The following CNTNAP5 variants were observed in gnomAD, a reference collection of about 807,000 sequenced individuals.
CNTNAP5 encodes the protein contactin-associated protein-like 5.
In CNTNAP5, 72 loss-of-function variants were observed where a neutral mutation model predicts 150.2. The ratio of observed to expected loss-of-function variants is 0.48; its 90% CI spans 0.40 to 0.58. CNTNAP5 has a LOEUF of 0.58. Ranked by LOEUF, CNTNAP5 falls within the 20% of genes least tolerant of loss-of-function variation. CNTNAP5 has a pLI of 0.00. For synonymous variants in CNTNAP5, 672 were observed against 619.8 expected (o/e 1.08, Z -1.25); for missense variants, 1,636 against 1,626.2 (o/e 1.01, Z -0.10).
At chr2:124,638,939 A>AT (rs1678029591) in intron 12 of CNTNAP5, among the ~76,000 whole-genome samples, 1 of 152,046 alleles carries the variant, frequency 6.6e-6, no homozygotes, top group Admixed American at 6.5e-5. Flanking sequence ...TGTGTATTTA[A>AT]TTTTTTTCCA....
chr2:124,510,963 T>A (rs1694574115), intron 8 of CNTNAP5, among the ~76,000 whole-genome samples: 1 of 152,172 alleles, frequency 6.6e-6, no homozygotes, highest in African/African-American at 2.4e-5. Flanking sequence ...TTACTTTTCA[T>A]AAGGTACCAA....
chr2:124,786,248 A>G (rs1363113417), intron 17 of CNTNAP5, among the ~76,000 whole-genome samples: 1 of 150,826 alleles, frequency 6.6e-6, no homozygotes, highest in East Asian at 2.0e-4. Context: ...GGATGATAGA[A>G]TATGACTCTG....
At chr2:124,140,032 G>A (rs1573784380) in intron 1 of CNTNAP5, among the ~76,000 whole-genome samples, 1 of 152,080 alleles carries the variant, frequency 6.6e-6, no homozygotes, top group Admixed American at 6.5e-5. Flanking sequence ...GGTGACAGAC[G>A]CACCTGGAAA....
chr2:124,363,228 T>C (rs1690267018), intron 3 of CNTNAP5, among the ~76,000 whole-genome samples: 1 of 152,226 alleles, frequency 6.6e-6, no homozygotes, highest in South Asian at 2.1e-4. Context: ...GGACACTTCA[T>C]TGTTTGGATT....
At chr2:124,580,698 C>T (rs1696390696) in intron 11 of CNTNAP5, among the ~76,000 whole-genome samples, 6 of 152,204 alleles carry the variant, frequency 3.9e-5, no homozygotes, top group Admixed American at 3.9e-4. Context: ...GTCTCTCTCT[C>T]TCAGCTGTCC....
intron 1 of CNTNAP5, among the ~76,000 whole-genome samples, chr2:124,042,816 A>ATCTG (rs1300992908): frequency 6.6e-6 from 1 of 151,014 alleles, no homozygotes; most frequent in African/African-American, 2.5e-5. Flanking sequence ...CTATCTATCT[A>ATCTG]TCTATCTATC....
At chr2:124,107,015 C>G (rs989464901) in intron 1 of CNTNAP5, among the ~76,000 whole-genome samples, 3 of 151,184 alleles carry the variant, frequency 2.0e-5, no homozygotes, top group Admixed American at 2.0e-4. Context: ...GATCAGTGCT[C>G]CTGAAGCACC....
At position 124,920,352 on chromosome 2, in the gene CNTNAP5, T is replaced by C. The variant is rs1017065392; in HGVS notation, c.*6064T>C. ...TTCAAGAAACCTTGAAGGGAAAATA[T>C]TAACGGGCATCAGCCTGGGCATACT... is the stretch of plus-strand genomic sequence containing the variant. On this transcript the variant is annotated 3_prime_UTR_variant, in exon 24 of 24. Transcript: ENST00000682447. 2.6e-5 allele frequency among the ~76,000 whole-genome samples: 4 copies of C among 152,110 alleles called. No individual in the cohort carries two copies. The East Asian group carries it at 7.7e-4, about 29-fold the overall frequency.
intron 19 of CNTNAP5, among the ~76,000 whole-genome samples, chr2:124,842,996 C>G (rs2104694556): frequency 6.6e-6 from 1 of 151,980 alleles, no homozygotes; most frequent in East Asian, 1.9e-4. Flanking sequence ...GATTTTGGTG[C>G]ACACATCACA....
chr2:124,539,978 G>A (rs1359831603), intron 10 of CNTNAP5, among the ~76,000 whole-genome samples: 2 of 152,114 alleles, frequency 1.3e-5, no homozygotes, highest in African/African-American at 4.8e-5. Flanking sequence ...TGGGAGTACT[G>A]TAGACATAGC....
intron 1 of CNTNAP5, among the ~76,000 whole-genome samples, chr2:124,131,652 G>T (rs76792142): frequency 6.6e-6 from 1 of 152,144 alleles, no homozygotes; most frequent in African/African-American, 2.4e-5. Flanking sequence ...ATGTGTTTGC[G>T]TAGTGCAGCT....
At chr2:124,700,302 T>G (rs1255215329) in intron 13 of CNTNAP5, among the ~76,000 whole-genome samples, 1 of 152,234 alleles carries the variant, frequency 6.6e-6, no homozygotes, top group Admixed American at 6.5e-5. Flanking sequence ...TATTTGGATC[T>G]TATGAATAAT....
At chr2:124,179,305 A>T (rs1323769840) in intron 1 of CNTNAP5, among the ~76,000 whole-genome samples, 1 of 152,006 alleles carries the variant, frequency 6.6e-6, no homozygotes, top group Admixed American at 6.6e-5. Flanking sequence ...GATTACAGGC[A>T]TGTGCCACCA....
At chr2:124,727,889 C>A (rs1173165371) in intron 13 of CNTNAP5, among the ~76,000 whole-genome samples, 1 of 116,120 alleles carries the variant, frequency 8.6e-6, no homozygotes, top group African/African-American at 3.1e-5. Flanking sequence ...TGTTCCTAAT[C>A]TTAGAGGAAA....
At chr2:124,841,963 A>G (rs947847204) in intron 19 of CNTNAP5, among the ~76,000 whole-genome samples, 2 of 152,174 alleles carry the variant, frequency 1.3e-5, no homozygotes, top group Admixed American at 6.5e-5. Flanking sequence ...AAACTTAAAA[A>G]AAAACCTTCA....
chr2:124,729,751 C>T (rs1291133225), intron 13 of CNTNAP5, among the ~76,000 whole-genome samples: 1 of 152,054 alleles, frequency 6.6e-6, no homozygotes, highest in African/African-American at 2.4e-5. Flanking sequence ...TAACCACACC[C>T]TCTATTTTGA....
intron 7 of CNTNAP5, among the ~76,000 whole-genome samples, chr2:124,498,572 G>A (rs962855298): frequency 1.3e-5 from 2 of 152,158 alleles, no homozygotes; most frequent in African/African-American, 4.8e-5. Flanking sequence ...TAAGTGCTGG[G>A]ATTACAGATG....
intron 3 of CNTNAP5, among the ~76,000 whole-genome samples, chr2:124,258,176 C>T (rs564065949): frequency 2.6e-5 from 4 of 152,056 alleles, no homozygotes; most frequent in East Asian, 1.9e-4. Flanking sequence ...GGGGTATGGG[C>T]GATGGATGAG....
chr2:124,445,866 T>G (rs1044902485), intron 5 of CNTNAP5, among the ~76,000 whole-genome samples: 3 of 152,334 alleles, frequency 2.0e-5, no homozygotes, highest in Non-Finnish European at 4.4e-5. Context: ...TTGCTAAGGT[T>G]GACGCAAGTT....
Sources: allele counts gnomAD v4.1 joint callset (sites outside exome capture counted in the v4.1 genomes callset), GRCh38; gene constraint gnomAD v4.1.1; transcripts MANE v1.5; gene names NCBI Gene and HGNC (gene_info 2026-07-23, HGNC 2026-07-21).